TNRC6C: variants seen among roughly 807,000 people sequenced by gnomAD.
TNRC6C encodes trinucleotide repeat-containing gene 6C protein.
Under a neutral mutation model 153.7 loss-of-function variants are expected in TNRC6C, and 20 were observed. The observed-to-expected ratio is 0.13, with a 90% CI of 0.09 to 0.19. TNRC6C has a LOEUF of 0.19. TNRC6C is among the 10% of genes least tolerant of loss of function. The pLI is 1.00. For synonymous variants in TNRC6C, 811 were observed against 841.4 expected (o/e 0.96, Z 0.63); for missense variants, 1,987 against 2,172.0 (o/e 0.91, Z 1.69).
chr17:78,014,711 G>A (rs533041178), intron 1 of TNRC6C, among the ~76,000 whole-genome samples: 2 of 150,924 alleles, frequency 1.3e-5, no homozygotes, highest in East Asian at 1.9e-4. Flanking sequence ...ACCTCTGAAC[G>A]GCATTTCTCA....
chr17:78,049,430 C>A lies in TNRC6C; in HGVS notation c.368C>A (p.Pro123His). The A allele has an allele frequency of 1.9e-6, 3 of 1,614,026 alleles. No individual in the cohort carries two copies. The highest frequency in any genetic ancestry group is 2.5e-6 in the Non-Finnish European group (3 of 1,179,882). ...GAAGGAACCGTGGCGACAGGCAACCCTTCCAGTATTTGCAGTCCAGTCAGT... is the reference window on the plus strand; with the variant it reads ...GAAGGAACCGTGGCGACAGGCAACCATTCCAGTATTTGCAGTCCAGTCAGT... The change falls in exon 3 of 20, where the codon CCT becomes CAT. Residue 123 changes from proline (P) to histidine (H), a missense_variant. This residue lies in a region of TNRC6C where 1,052 missense variants were observed against 1,017.0 expected (regional missense o/e 1.03). Transcript: ENST00000301624. This position sits in a 1 kb window ranked among gnomAD's most constrained non-coding sequence, Gnocchi z 4.1.
At chr17:78,108,395 A>G (rs1289119270) in exon 20 of TNRC6C, 2 of 154,904 alleles carry the variant, frequency 1.3e-5, no homozygotes, top group Non-Finnish European at 2.9e-5. Flanking sequence ...ATGAAACTCA[A>G]AATGCACTTG....
chr17:78,013,807 T>C (rs2071678965), intron 1 of TNRC6C, among the ~76,000 whole-genome samples: 1 of 151,984 alleles, frequency 6.6e-6, no homozygotes, highest in Non-Finnish European at 1.5e-5. Flanking sequence ...CCGTATGGAG[T>C]ATGACATTTT....
intron 14 of TNRC6C, 101 bp downstream of exon 16, chr17:78,091,708 G>A: frequency 8.1e-7 from 1 of 1,230,498 alleles, no homozygotes; most frequent in Non-Finnish European, 1.0e-6. Flanking sequence ...TAAGAATTGA[G>A]CACTGAAAGT....
intron 1 of TNRC6C, among the ~76,000 whole-genome samples, chr17:77,963,046 G>A (rs1460283807): frequency 3.3e-5 from 5 of 152,202 alleles, no homozygotes; most frequent in Non-Finnish European, 7.3e-5. Flanking sequence ...ATACAAATGA[G>A]TTTTTAAATA....
At chr17:77,991,548 A>G (rs2071250376) in intron 1 of TNRC6C, among the ~76,000 whole-genome samples, 2 of 152,142 alleles carry the variant, frequency 1.3e-5, no homozygotes, top group South Asian at 4.1e-4. Context: ...AAAGGAAATA[A>G]TTTGCTCTTC....
exon 20 of TNRC6C, chr17:78,106,532 AAAAAC>A (rs1217052670): frequency 6.7e-5 from 10 of 149,372 alleles, no homozygotes; most frequent in African/African-American, 9.9e-5. Flanking sequence ...TAAAAAAAAA[AAAAAC>A]AAAACAAAAC....
At position 78,087,105 on chromosome 17, in the gene TNRC6C, A is replaced by G. The variant is rs777175230; in HGVS notation, c.3802+12A>G. 3 of 1,611,522 alleles carry G rather than the reference A, an allele frequency of 1.9e-6. No individual in the cohort carries two copies. The highest frequency in any genetic ancestry group is 1.3e-5 in the African/African-American group (1 of 74,744). ...TCCTTACCCTCTCGGTGAGTGTCCC[A>G]TGGTCTTCAACAGCCACATCAGGTA... On this transcript the variant is annotated intron_variant, in intron 13 of 19. Coordinates refer to ENST00000301624, the Ensembl canonical transcript of TNRC6C.
At position 78,075,033 on chromosome 17, in the gene TNRC6C, G is replaced by A. The variant is rs2073060211; in HGVS notation, c.2918-103G>A. 16 of 1,380,648 alleles carry A rather than the reference G, an allele frequency of 1.2e-5. No homozygotes were observed. The highest frequency in any genetic ancestry group is 1.4e-5 in the African/African-American group (1 of 69,908). The allele number at this position is 1,380,648 out of a possible 1,614,324, so 85.5% of individuals were successfully genotyped here. A position where few individuals can be genotyped will look rare whatever the true frequency, so the allele number is the denominator to read the frequency against. On this transcript the variant is annotated intron_variant, in intron 7 of 19. Coordinates refer to ENST00000301624, the Ensembl canonical transcript of TNRC6C. This position sits in a 1 kb window ranked among gnomAD's most constrained non-coding sequence, Gnocchi z 4.2. The stretch of plus-strand genomic sequence containing the variant: ...CCCTGGCTTCCCTGTGTTTGAAGGG[G>A]TGGAGGGTCTCCATCCCTCCTTGAG...
chr17:78,095,655 A>T (rs750090556), intron 16 of TNRC6C, among the ~76,000 whole-genome samples: 14 of 152,126 alleles, frequency 9.2e-5, no homozygotes, highest in Non-Finnish European at 1.9e-4. Context: ...CCACTCTGGT[A>T]CCTCTCTTGG....
At chr17:77,970,468 T>G (rs1759269562) in intron 1 of TNRC6C, among the ~76,000 whole-genome samples, 1 of 152,188 alleles carries the variant, frequency 6.6e-6, no homozygotes, top group South Asian at 2.1e-4. Flanking sequence ...GGATTGCAAG[T>G]GTGAGCAACC....
At chr17:77,988,801 G>C (rs549285349) in intron 1 of TNRC6C, among the ~76,000 whole-genome samples, 7 of 152,272 alleles carry the variant, frequency 4.6e-5, no homozygotes, top group African/African-American at 1.7e-4. Flanking sequence ...TGTTCAAGGA[G>C]ACTTTGTGTA....
intron 2 of TNRC6C, among the ~76,000 whole-genome samples, chr17:78,044,152 C>A (rs1383316229): frequency 6.6e-6 from 1 of 152,118 alleles, no homozygotes; most frequent in African/African-American, 2.4e-5. Flanking sequence ...GTAATTTTTT[C>A]TAACTAAAAA....
At chr17:78,019,409 T>C (rs1036959588) in intron 1 of TNRC6C, among the ~76,000 whole-genome samples, 3 of 152,222 alleles carry the variant, frequency 2.0e-5, no homozygotes, top group African/African-American at 7.2e-5. Context: ...CCTGTCATTT[T>C]AGAAAAAGCA....
intron 1 of TNRC6C, among the ~76,000 whole-genome samples, chr17:78,006,756 A>G (rs1187259693): frequency 6.6e-6 from 1 of 151,456 alleles, no homozygotes; most frequent in Non-Finnish European, 1.5e-5. Flanking sequence ...ACATTGTCCC[A>G]CCACTTTACG....
At position 78,011,565 on chromosome 17, in the gene TNRC6C, A is replaced by G. The variant is rs565245006; in HGVS notation, c.-546+6486A>G. ...TCCATTGTGTAGGTGTATCACAGCT[A>G]TTTATCCTCTTCATTCTCCTGTTCA... On this transcript the variant is annotated intron_variant, in intron 1 of 19. Coordinates refer to ENST00000301624, the Ensembl canonical transcript of TNRC6C. 4.6e-5 allele frequency among the ~76,000 whole-genome samples: 7 copies of G among 152,222 alleles called. No homozygotes were observed. The East Asian group carries it at 1.3e-3, about 29-fold the overall frequency.
intron 2 of TNRC6C, among the ~76,000 whole-genome samples, chr17:78,036,283 G>A (rs1455601312): frequency 2.0e-5 from 3 of 152,174 alleles, no homozygotes; most frequent in African/African-American, 4.8e-5. Context: ...AAGTATTCGT[G>A]GAAGGAATTG....
chr17:78,049,320 C>T lies in TNRC6C; in HGVS notation c.258C>T (p.Cys86=). 1 of 1,613,986 alleles carries T rather than the reference C, an allele frequency of 6.2e-7. No individual in the cohort carries two copies. Among genetic ancestry groups the T allele is most frequent in the Non-Finnish European group, 8.5e-7 (1 of 1,179,874 alleles). Residue 86 remains cysteine (C), a synonymous_variant, in exon 3 of 20, where the codon TGC becomes TGT. Transcript: ENST00000301624. This position sits in a 1 kb window ranked among gnomAD's most constrained non-coding sequence, Gnocchi z 4.1. Reference sequence around the variant, plus strand: ...TTGGAGATGGGAGAAGTCAGAATTGCTGGGGTGCTTCCAACTCCAATGCTG... The same window carrying T: ...TTGGAGATGGGAGAAGTCAGAATTGTTGGGGTGCTTCCAACTCCAATGCTG...
rs182215751 is a variant in TNRC6C, at chr17:78,051,396, G to A, written c.2334G>A (p.Pro778=). The A allele has an allele frequency of 3.9e-5, 61 of 1,546,318 alleles. No individual in the cohort carries two copies. The Admixed American group carries it at 5.6e-4, about 14-fold the overall frequency. The change falls in exon 3 of 20, where the codon CCG becomes CCA. Residue 778 remains proline (P), a synonymous_variant. Transcript: ENST00000301624. ...ACACCACACACAGGGTCGAGACGCCGCCCCCGCACCAGGCCGGTACTCAGC... is the reference window on the plus strand; with the variant it reads ...ACACCACACACAGGGTCGAGACGCCACCCCCGCACCAGGCCGGTACTCAGC...
Sources: allele counts gnomAD v4.1 joint callset (sites outside exome capture counted in the v4.1 genomes callset), GRCh38; gene constraint gnomAD v4.1.1; regional missense constraint gnomAD v4.1.1; non-coding constraint Gnocchi (gnomAD v3.1); transcripts MANE v1.5; gene names NCBI Gene and HGNC (gene_info 2026-07-23, HGNC 2026-07-21).